The following RCBTB2 variants were observed in gnomAD, a reference collection of about 807,000 sequenced individuals.
RCBTB2 encodes the protein RCC1 and BTB domain-containing protein 2.
A neutral mutation model predicts 65.4 loss-of-function variants in RCBTB2; 55 were observed. The ratio of observed to expected loss-of-function variants is 0.84; its 90% CI spans 0.68 to 1.05. The LOEUF (loss-of-function observed/expected upper bound fraction) is 1.05. Among genes scored for constraint, RCBTB2 ranks in the 50% least tolerant of loss-of-function variants. RCBTB2 has a pLI of 0.00. For synonymous variants in RCBTB2, 220 were observed against 255.2 expected (o/e 0.86, Z 1.31); for missense variants, 599 against 680.1 (o/e 0.88, Z 1.33).
chr13:48,515,115 G>A (rs766693333), intron 6 of RCBTB2, 90 bp downstream of exon 6: 86 of 1,191,594 alleles, frequency 7.2e-5, no homozygotes, highest in Non-Finnish European at 9.5e-5. Flanking sequence ...CAATTTCACA[G>A]GAAGAGCTAG....
At chr13:48,527,105 C>G (rs1951783696) in intron 1 of RCBTB2, among the ~76,000 whole-genome samples, 1 of 151,348 alleles carries the variant, frequency 6.6e-6, no homozygotes, top group African/African-American at 2.4e-5. Context: ...AAATGTCCCC[C>G]CTTTTCTGCA....
At chr13:48,499,908 A>G (rs1324123027) in intron 12 of RCBTB2, 148 bp from the exon 13 acceptor site, 1 of 952,408 alleles carries the variant, frequency 1.0e-6, no homozygotes, top group African/African-American at 1.7e-5. Flanking sequence ...TTTTCAAACA[A>G]TCATCTATTC....
chr13:48,522,419 G>A lies in RCBTB2; in HGVS notation c.-119-16C>T. On this transcript the variant is annotated splice_polypyrimidine_tract_variant and intron_variant, in intron 2 of 14. Transcript: ENST00000344532. ...ATTTGCTAAGCTGGAAAAAAAAAAG[G>A]AGAAATGAATGAAAATGATGAAAAA... 9.3e-7 allele frequency: 1 copy of A among 1,072,580 alleles called. No individual in the cohort carries two copies. The highest frequency in any genetic ancestry group is 1.4e-6 in the Non-Finnish European group (1 of 736,910). 66.4% of individuals were successfully genotyped at this position (1,072,580 alleles called of 1,614,324 possible). A position where few individuals can be genotyped will look rare whatever the true frequency, so the allele number is the denominator to read the frequency against.
chr13:48,512,630 T>TG, intron 7 of RCBTB2, 99 bp downstream of exon 7: 4 of 987,600 alleles, frequency 4.1e-6, no homozygotes, highest in Non-Finnish European at 6.0e-6. Flanking sequence ...TTGAGGGAGG[T>TG]GGTTATTTTA....
intron 1 of RCBTB2, among the ~76,000 whole-genome samples, chr13:48,530,430 T>C (rs776960986): frequency 3.9e-5 from 6 of 152,226 alleles, no homozygotes; most frequent in African/African-American, 4.8e-5. Flanking sequence ...AAACACACTT[T>C]ACTTTCTAAA....
intron 13 of RCBTB2, among the ~76,000 whole-genome samples, chr13:48,498,464 C>G (rs1247238707): frequency 6.6e-6 from 1 of 152,202 alleles, no homozygotes; most frequent in Non-Finnish European, 1.5e-5. Context: ...GGCGCAGTGG[C>G]TCACGCCTGT....
chr13:48,494,995 T>C (rs1281162732), intron 14 of RCBTB2, among the ~76,000 whole-genome samples: 1 of 152,224 alleles, frequency 6.6e-6, no homozygotes, highest in Non-Finnish European at 1.5e-5. Flanking sequence ...AGTCATTACC[T>C]TCCTCACTTT....
chr13:48,510,512 T>C (rs556040164), intron 10 of RCBTB2, 117 bp downstream of exon 10: 17 of 1,212,904 alleles, frequency 1.4e-5, no homozygotes, highest in South Asian at 3.4e-5. Context: ...TAAATACTCT[T>C]GTTAAATAAT....
chr13:48,521,861 G>A (rs1951444393), intron 4 of RCBTB2, 37 bp downstream of exon 4: 1 of 1,591,570 alleles, frequency 6.3e-7, no homozygotes, highest in South Asian at 1.1e-5. Flanking sequence ...TCATGCAACA[G>A]AACACACATG....
chr13:48,510,404 C>T (rs1378563282), intron 10 of RCBTB2, among the ~76,000 whole-genome samples: 3 of 152,288 alleles, frequency 2.0e-5, no homozygotes, highest in East Asian at 3.9e-4. Context: ...CTTAGAATAG[C>T]TGTTGGAGGT....
At chr13:48,518,013 A>G (rs1412722795) in intron 4 of RCBTB2, among the ~76,000 whole-genome samples, 1 of 152,230 alleles carries the variant, frequency 6.6e-6, no homozygotes, top group African/African-American at 2.4e-5. Context: ...GCAGTAATGC[A>G]TCTGGAAGTC....
At chr13:48,526,592 A>G (rs1294334478) in intron 1 of RCBTB2, among the ~76,000 whole-genome samples, 1 of 152,078 alleles carries the variant, frequency 6.6e-6, no homozygotes, top group Non-Finnish European at 1.5e-5. Context: ...ACATTAGCCT[A>G]AGCAACAGAG....
intron 10 of RCBTB2, among the ~76,000 whole-genome samples, chr13:48,509,514 T>G (rs905637128): frequency 6.6e-6 from 1 of 152,150 alleles, no homozygotes; most frequent in Non-Finnish European, 1.5e-5. Flanking sequence ...AGCTACAAGA[T>G]GTGTGAATGA....
chr13:48,510,926 A>G (rs1451540261), intron 9 of RCBTB2, among the ~76,000 whole-genome samples, 155 bp from the exon 10 acceptor site: 7 of 152,318 alleles, frequency 4.6e-5, no homozygotes, highest in Middle Eastern at 3.4e-3. Context: ...CTTCCAGAAC[A>G]TGTGGGCCAG....
At chr13:48,513,360 C>A (rs968346566) in intron 6 of RCBTB2, among the ~76,000 whole-genome samples, 1 of 152,188 alleles carries the variant, frequency 6.6e-6, no homozygotes, top group East Asian at 1.9e-4. Flanking sequence ...AGAAAGCACA[C>A]ACCCATGTAC....
At chr13:48,504,558 G>A (rs1020306065) in intron 10 of RCBTB2, among the ~76,000 whole-genome samples, 34 of 152,274 alleles carry the variant, frequency 2.2e-4, no homozygotes, top group African/African-American at 7.2e-4. Flanking sequence ...AGCACTTCCT[G>A]TCCACACCAT....
At chr13:48,525,744 T>C (rs943600499) in intron 1 of RCBTB2, among the ~76,000 whole-genome samples, 1 of 152,010 alleles carries the variant, frequency 6.6e-6, no homozygotes, top group African/African-American at 2.4e-5. Context: ...GCATACTATA[T>C]AGCTATTAAA....
At chr13:48,493,315 A>ACCCTCTCTCTCT (rs759504798) in intron 14 of RCBTB2, among the ~76,000 whole-genome samples, 1 of 75,026 alleles carries the variant, frequency 1.3e-5, no homozygotes, top group Non-Finnish European at 2.5e-5. Context: ...ACACACACAC[A>ACCCTCTCTCTCT]CTCTCTCTCT....
intron 10 of RCBTB2, among the ~76,000 whole-genome samples, chr13:48,507,251 G>A (rs778462314): frequency 3.9e-5 from 6 of 152,240 alleles, no homozygotes; most frequent in Non-Finnish European, 5.9e-5. Flanking sequence ...AAAGTTTAGA[G>A]GGTACTTTCA....
Sources: gnomAD v4.1 joint callset for allele counts (sites outside exome capture counted in the v4.1 genomes callset) on GRCh38, gnomAD v4.1.1 for gene constraint, MANE v1.5 for transcripts, NCBI Gene and HGNC (gene_info 2026-07-23, HGNC 2026-07-21) for gene names.